The following STAC variants were observed in gnomAD, a reference collection of about 807,000 sequenced individuals.
STAC encodes the protein SH3 and cysteine-rich domain-containing protein.
STAC carries 43 observed loss-of-function variants against 48.8 expected under a neutral mutation model. The ratio of observed to expected loss-of-function variants is 0.88; its 90% CI spans 0.69 to 1.14. STAC has a LOEUF of 1.14. Ranked by LOEUF, STAC falls within the 50% of genes most tolerant of loss-of-function variation. STAC has a pLI of 0.00. For synonymous variants in STAC, 193 were observed against 179.5 expected (o/e 1.07, Z -0.60); for missense variants, 497 against 504.0 (o/e 0.99, Z 0.13).
intron 1 of STAC, among the ~76,000 whole-genome samples, chr3:36,388,728 A>AT (rs1699676640): frequency 6.6e-6 from 1 of 151,982 alleles, no homozygotes; most frequent in Non-Finnish European, 1.5e-5. Flanking sequence ...TGAATAATTT[A>AT]TTCTTTTTTC....
In STAC at chr3:36,380,654, C is replaced by T. The variant is rs1392098275; in HGVS notation, c.11C>T (p.Pro4Leu). 11 of 1,593,904 alleles carry T rather than the reference C, an allele frequency of 6.9e-6. No individual in the cohort carries two copies. Among genetic ancestry groups the T allele is most frequent in the Admixed American group, 1.7e-5 (1 of 57,762 alleles). MIP[P>L]SSPREDGVDG... ...TCCCGCGCGGCCACGATGATCCCTC[C>T]GAGCAGCCCCCGCGAGGACGGCGTG... is the stretch of plus-strand genomic sequence containing the variant. Residue 4 changes from proline (P) to leucine (L), a missense_variant, in exon 1 of 11, where the codon CCG (proline) becomes CTG (leucine). By Grantham distance (98) the Pro-to-Leu change is moderately conservative. Coordinates refer to ENST00000273183, the MANE Select transcript of STAC (RefSeq NM_003149.3).
At chr3:36,390,451 C>CTTTGTTTTTTTTTTT (rs1699727096) in intron 1 of STAC, among the ~76,000 whole-genome samples, 1 of 80,824 alleles carries the variant, frequency 1.2e-5, no homozygotes, top group African/African-American at 4.2e-5. Flanking sequence ...TTTTTCTTTT[C>CTTTGTTTTTTTTTTT]TTTTTTTTTT....
At chr3:36,469,484 GT>G (rs1350017279) in intron 2 of STAC, among the ~76,000 whole-genome samples, 1 of 151,884 alleles carries the variant, frequency 6.6e-6, no homozygotes, top group Non-Finnish European at 1.5e-5. Flanking sequence ...TCATTTATAG[GT>G]TATCTGATGT....
At chr3:36,412,097 AG>A (rs1700207727) in intron 1 of STAC, among the ~76,000 whole-genome samples, 1 of 152,168 alleles carries the variant, frequency 6.6e-6, no homozygotes, top group African/African-American at 2.4e-5. Flanking sequence ...TTACATAGCA[AG>A]AAGTCTGGAG....
Position 36,380,512 on chromosome 3 carries a change from C to G in STAC, c.-132C>G. On this transcript the variant is annotated 5_prime_UTR_variant, in exon 1 of 11. Coordinates refer to ENST00000273183, the MANE Select transcript of STAC (RefSeq NM_003149.3). Reference sequence around the variant, plus strand: ...GAGGGAGCGAGGCTGGAGGAGGGCACGTCGGCGCCTCGGCGAGGATGGGAG... The same window carrying G: ...GAGGGAGCGAGGCTGGAGGAGGGCAGGTCGGCGCCTCGGCGAGGATGGGAG... The G allele has an allele frequency of 3.1e-6, 2 of 655,258 alleles. No individual in the cohort carries two copies. The highest frequency in any genetic ancestry group is 1.9e-5 in the South Asian group (1 of 53,612). 40.6% of individuals were successfully genotyped at this position (655,258 alleles called of 1,614,324 possible).
At chr3:36,542,329 G>A (rs1699348680) in intron 10 of STAC, among the ~76,000 whole-genome samples, 1 of 152,070 alleles carries the variant, frequency 6.6e-6, no homozygotes, top group African/African-American at 2.4e-5. Context: ...TTTGCTTGTG[G>A]CCCAATTCTA....
intron 6 of STAC, among the ~76,000 whole-genome samples, chr3:36,498,430 C>T (rs1204077651): frequency 1.3e-5 from 2 of 152,142 alleles, no homozygotes; most frequent in East Asian, 3.8e-4. Flanking sequence ...GTCCAACATG[C>T]ATCTAAGTGA....
At chr3:36,475,939 G>A (rs1697481168) in intron 2 of STAC, among the ~76,000 whole-genome samples, 1 of 152,208 alleles carries the variant, frequency 6.6e-6, no homozygotes, top group Admixed American at 6.5e-5. Flanking sequence ...AGTTCTAGAT[G>A]CAGTCACATT....
chr3:36,391,782 C>T (rs1471254220), intron 1 of STAC, among the ~76,000 whole-genome samples: 1 of 152,140 alleles, frequency 6.6e-6, no homozygotes, highest in Admixed American at 6.5e-5. Context: ...CTTCATTTGT[C>T]TGAAAATGAA....
At chr3:36,433,207 C>T (rs1700747104) in intron 1 of STAC, among the ~76,000 whole-genome samples, 5 of 152,086 alleles carry the variant, frequency 3.3e-5, no homozygotes, top group Admixed American at 2.6e-4. Context: ...GAATGAGACA[C>T]AGACCTCCCA....
chr3:36,491,658 T>C (rs1697969214), intron 5 of STAC, among the ~76,000 whole-genome samples: 1 of 152,114 alleles, frequency 6.6e-6, no homozygotes, highest in South Asian at 2.1e-4. Context: ...TAGAGCTGGC[T>C]AGGAGAGCTA....
chr3:36,508,542 T>C (rs1328105460), intron 8 of STAC, among the ~76,000 whole-genome samples: 2 of 152,154 alleles, frequency 1.3e-5, no homozygotes, highest in African/African-American at 4.8e-5. Context: ...CCACTATTAT[T>C]GTATGGGAGT....
chr3:36,490,018 C>A (rs1376835925), intron 5 of STAC, among the ~76,000 whole-genome samples: 3 of 152,098 alleles, frequency 2.0e-5, no homozygotes, highest in Admixed American at 6.5e-5. Flanking sequence ...TTTTAAAAAC[C>A]CCTCCAGGTG....
Position 36,411,784 on chromosome 3 carries a change from G to A in STAC, c.111+31030G>A, listed in dbSNP as rs907046964. Among the ~76,000 whole-genome samples the A allele has an allele frequency of 2.6e-5, 4 of 152,158 alleles. No individual in the cohort carries two copies. In the East Asian group the frequency reaches 7.7e-4, roughly 29 times the overall value. On this transcript the variant is annotated intron_variant, in intron 1 of 10. Coordinates refer to ENST00000273183, the MANE Select transcript of STAC (RefSeq NM_003149.3). ...ACAATATGAGTGGGTCACGAGCATG[G>A]CTTTTGAGGTCTTAGGAAACCTAAA... is the stretch of plus-strand genomic sequence containing the variant.
In STAC at chr3:36,546,196, C is replaced by T. The variant is rs541892871; in HGVS notation, c.1116C>T (p.Cys372=). 47 of 1,613,152 alleles carry T rather than the reference C, an allele frequency of 2.9e-5. No individual in the cohort carries two copies. The highest frequency in any genetic ancestry group is 6.6e-5 in the South Asian group (6 of 91,036). ...TTTTCTTCCTTGGCATTCAGATCTG[C>T]GTGAGTTCTGAAGAAGAACAAGATG... is the stretch of plus-strand genomic sequence containing the variant. ...GQITLKENQI[C]VSSEEEQDGF... The change falls in exon 11 of 11, where the codon TGC becomes TGT. Residue 372 remains cysteine, a synonymous_variant. Transcript: ENST00000273183.
intron 8 of STAC, 37 bp downstream of exon 8, chr3:36,505,871 T>G (rs1289611558): frequency 1.4e-6 from 2 of 1,436,116 alleles, no homozygotes; most frequent in South Asian, 2.5e-5. Context: ...AGAGTAAAAT[T>G]TTAAAGTCAG....
intron 1 of STAC, among the ~76,000 whole-genome samples, chr3:36,381,743 G>A (rs1699514072): frequency 1.3e-5 from 2 of 152,216 alleles, no homozygotes; most frequent in Admixed American, 1.3e-4. Context: ...GATATGATCA[G>A]GAGGATGAAA....
chr3:36,398,379 A>C (rs1699912464), intron 1 of STAC, among the ~76,000 whole-genome samples: 1 of 142,934 alleles, frequency 7.0e-6, no homozygotes. Context: ...AAAGAAAGAG[A>C]GAAAGAAAGA....
chr3:36,456,979 C>T (rs551545571), intron 2 of STAC, among the ~76,000 whole-genome samples: 5 of 152,308 alleles, frequency 3.3e-5, no homozygotes, highest in East Asian at 1.9e-4. Flanking sequence ...AACAAACTGA[C>T]GTCACATTAC....
Sources: allele counts gnomAD v4.1 joint callset (sites outside exome capture counted in the v4.1 genomes callset), GRCh38; gene constraint gnomAD v4.1.1; transcripts MANE v1.5; gene names NCBI Gene and HGNC (gene_info 2026-07-23, HGNC 2026-07-21).